The following SOX6 variants were observed in gnomAD, a reference collection of about 807,000 sequenced individuals.
The protein encoded by SOX6 is SRY-box transcription factor 6.
In SOX6, 11 loss-of-function variants were observed where a neutral mutation model predicts 97.8. The observed-to-expected ratio is 0.11, with a 90% CI of 0.07 to 0.19. The LOEUF (loss-of-function observed/expected upper bound fraction) is 0.19. SOX6 is among the 10% of genes least tolerant of loss of function. The pLI is 1.00. For synonymous variants in SOX6, 360 were observed against 371.4 expected, an observed-to-expected ratio of 0.97 and a Z score of 0.35; for missense variants, 810 against 1,039.5, an observed-to-expected ratio of 0.78 and a Z score of 3.04.
intron 3 of SOX6, among the ~76,000 whole-genome samples, chr11:16,306,777 C>A (rs961598932): frequency 2.6e-5 from 4 of 151,982 alleles, no homozygotes; most frequent in Non-Finnish European, 5.9e-5. Flanking sequence ...AGGTACATGC[C>A]ACCATGCCCG....
intron 4 of SOX6, among the ~76,000 whole-genome samples, chr11:16,568,219 C>A (rs1847898459): frequency 6.6e-6 from 1 of 151,794 alleles, no homozygotes; most frequent in Non-Finnish European, 1.5e-5. Flanking sequence ...AAAAAAAATC[C>A]AAAATTCAAA....
chr11:16,295,234 A>G (rs1330995360), intron 3 of SOX6, among the ~76,000 whole-genome samples: 1 of 152,114 alleles, frequency 6.6e-6, no homozygotes, highest in Non-Finnish European at 1.5e-5. Flanking sequence ...ACTTATTTAA[A>G]TTAACTATAC....
chr11:16,577,366 CTTCT>C (rs1242219004), intron 4 of SOX6, among the ~76,000 whole-genome samples: 1 of 151,910 alleles, frequency 6.6e-6, no homozygotes, highest in Non-Finnish European at 1.5e-5. Flanking sequence ...CTTCATTTTC[CTTCT>C]TTCTATCAAA....
At chr11:16,494,732 G>A (rs1860566502) in intron 4 of SOX6, among the ~76,000 whole-genome samples, 1 of 152,156 alleles carries the variant, frequency 6.6e-6, no homozygotes, top group Admixed American at 6.5e-5. Context: ...TCAGCTGGGA[G>A]GTTGGAGAGA....
At chr11:16,061,948 G>A (rs1282317169) in intron 9 of SOX6, among the ~76,000 whole-genome samples, 4 of 151,380 alleles carry the variant, frequency 2.6e-5, no homozygotes, top group African/African-American at 4.8e-5. Flanking sequence ...ACCAGAAGAA[G>A]ACTTAAGAAA....
chr11:16,237,450 T>G (rs2134180129), intron 3 of SOX6, among the ~76,000 whole-genome samples: 1 of 152,130 alleles, frequency 6.6e-6, no homozygotes, highest in East Asian at 1.9e-4. Context: ...GGGTACAAAT[T>G]AAAAGTAAGG....
chr11:16,686,278 T>A lies in SOX6; in HGVS notation n.429+28552A>T, dbSNP rs1169925583. 2.0e-5 allele frequency among the ~76,000 whole-genome samples: 3 copies of A among 152,272 alleles called. No homozygotes were observed. In the East Asian group the frequency reaches 5.8e-4, roughly 29 times the overall value. On this transcript the variant is annotated intron_variant and non_coding_transcript_variant, in intron 3 of 5. Coordinates refer to the SOX6 transcript ENST00000524520. ...AAAATCTTTTTCTTTCTTTGCCACA[T>A]GGCTAGGCCACAAATATTCCAAATC...
intron 15 of SOX6, among the ~76,000 whole-genome samples, chr11:15,975,308 T>C (rs1033050413): frequency 6.6e-6 from 1 of 152,246 alleles, no homozygotes; most frequent in Non-Finnish European, 1.5e-5. Context: ...GCTAACCTTA[T>C]AATGCCTCAT....
chr11:16,352,581 C>T (rs1856978045), intron 1 of SOX6, among the ~76,000 whole-genome samples: 1 of 152,006 alleles, frequency 6.6e-6, no homozygotes, highest in South Asian at 2.1e-4. Context: ...TGGTCTAATG[C>T]CAGGGCAGAT....
intron 3 of SOX6, among the ~76,000 whole-genome samples, chr11:16,670,709 C>G (rs1350971714): frequency 6.6e-6 from 1 of 152,202 alleles, no homozygotes; most frequent in Admixed American, 6.5e-5. Flanking sequence ...CTGCATTTCT[C>G]TGGGGTGAAG....
At position 16,285,441 on chromosome 11, in the gene SOX6, G is replaced by A. The variant is rs552083737; in HGVS notation, c.445+33005C>T. On this transcript the variant is annotated intron_variant, in intron 3 of 15. Coordinates refer to ENST00000683767, the MANE Select transcript of SOX6 (RefSeq NM_001367873.1). ...CCCAGCTAGTCGGGAGGCTGAAACA[G>A]GAGAATCACTTGAACCCAGGAGGCG... is the stretch of plus-strand genomic sequence containing the variant. Among the ~76,000 whole-genome samples the A allele has an allele frequency of 5.3e-5, 8 of 152,232 alleles. No individual in the cohort carries two copies. The South Asian group carries it at 1.7e-3, about 32-fold the overall frequency.
At chr11:16,388,563 G>A (rs1256925460) in intron 1 of SOX6, among the ~76,000 whole-genome samples, 1 of 151,992 alleles carries the variant, frequency 6.6e-6, no homozygotes, top group African/African-American at 2.4e-5. Context: ...TTTTCTTAAT[G>A]AACAAATTCA....
intron 12 of SOX6, among the ~76,000 whole-genome samples, chr11:16,035,482 T>C (rs115377272): frequency 5.3e-5 from 8 of 152,334 alleles, no homozygotes; most frequent in African/African-American, 1.9e-4. Context: ...GTTATTATTA[T>C]GTTCTTAAAA....
intron 4 of SOX6, among the ~76,000 whole-genome samples, chr11:16,484,833 T>C (rs1461584930): frequency 6.6e-6 from 1 of 151,902 alleles, no homozygotes; most frequent in African/African-American, 2.4e-5. Context: ...TCTTATAGAG[T>C]TGAACGTTGT....
At chr11:16,455,545 A>G (rs1416705579) in intron 1 of SOX6, among the ~76,000 whole-genome samples, 2 of 152,114 alleles carry the variant, frequency 1.3e-5, no homozygotes, top group Non-Finnish European at 2.9e-5. Context: ...ACTCCTTTGC[A>G]ATTGTAAAAT....
intron 6 of SOX6, among the ~76,000 whole-genome samples, chr11:16,177,558 A>G (rs1368981704): frequency 6.6e-6 from 1 of 151,582 alleles, no homozygotes; most frequent in African/African-American, 2.4e-5. Context: ...AAAGGAAAAC[A>G]TTAAATTTAT....
At chr11:16,552,909 A>G (rs1847705733) in intron 4 of SOX6, among the ~76,000 whole-genome samples, 1 of 152,220 alleles carries the variant, frequency 6.6e-6, no homozygotes, top group African/African-American at 2.4e-5. Flanking sequence ...TTAAAATGGC[A>G]TTGTATAATA....
At chr11:16,376,801 G>T (rs1446706717) in intron 1 of SOX6, among the ~76,000 whole-genome samples, 1 of 151,952 alleles carries the variant, frequency 6.6e-6, no homozygotes, top group African/African-American at 2.4e-5. Flanking sequence ...ACTATAGATA[G>T]AACATTTAGA....
intron 4 of SOX6, chr11:16,567,201 G>C (rs991620300): frequency 4.1e-4 from 63 of 152,276 alleles, no homozygotes; most frequent in African/African-American, 1.4e-3. Context: ...TGAAGTACAA[G>C]AGCAGCACAC....
Sources: allele counts gnomAD v4.1 joint callset (sites outside exome capture counted in the v4.1 genomes callset), GRCh38; gene constraint gnomAD v4.1.1; transcripts MANE v1.5; gene names NCBI Gene and HGNC (gene_info 2026-07-23, HGNC 2026-07-21).